LRBA: variants seen among roughly 807,000 people sequenced by gnomAD.
LRBA encodes the protein LPS responsive beige-like anchor protein, also known as lipopolysaccharide-responsive and beige-like anchor protein.
LRBA carries 176 observed loss-of-function variants against 330.0 expected under a neutral mutation model. The observed-to-expected ratio is 0.53, with a 90% CI of 0.47 to 0.60. LRBA has a LOEUF of 0.60. Among genes scored for constraint, LRBA ranks in the 20% least tolerant of loss-of-function variants. LRBA has a pLI of 0.00. For synonymous variants in LRBA, 1,230 were observed against 1,193.0 expected, an observed-to-expected ratio of 1.03 and a Z score of -0.64; for missense variants, 3,259 against 3,444.8, an observed-to-expected ratio of 0.95 and a Z score of 1.35.
intron 40 of LRBA, chr4:150,579,770 G>A (rs1206905643): frequency 4.4e-6 from 2 of 454,404 alleles, no homozygotes; most frequent in Non-Finnish European, 4.4e-6. Context: ...GCGCGGCGGC[G>A]GAGCCATGCG....
intron 40 of LRBA, among the ~76,000 whole-genome samples, chr4:150,505,672 T>C (rs1760967701): frequency 6.6e-6 from 1 of 151,922 alleles, no homozygotes; most frequent in South Asian, 2.1e-4. Context: ...TTAAAAGAAC[T>C]AGAAAAGCAA....
At chr4:150,942,877 T>C (rs1045859505) in intron 2 of LRBA, among the ~76,000 whole-genome samples, 1 of 152,188 alleles carries the variant, frequency 6.6e-6, no homozygotes, top group Non-Finnish European at 1.5e-5. Flanking sequence ...TTAGATTTTT[T>C]TTTCTTTAAA....
chr4:150,902,429 G>A (rs1438671851), intron 13 of LRBA, among the ~76,000 whole-genome samples: 1 of 152,004 alleles, frequency 6.6e-6, no homozygotes, highest in Admixed American at 6.6e-5. Flanking sequence ...AGGGTCTGGA[G>A]GCAGCGAACC....
chr4:150,798,005 C>T (rs1331556012), intron 34 of LRBA, 76 bp downstream of exon 34: 6 of 963,748 alleles, frequency 6.2e-6, no homozygotes, highest in Non-Finnish European at 8.1e-6. Flanking sequence ...TTCAGTAATG[C>T]AAATATAAAA....
chr4:150,740,180 T>G (rs781639104), intron 35 of LRBA, among the ~76,000 whole-genome samples: 2 of 152,112 alleles, frequency 1.3e-5, no homozygotes, highest in Non-Finnish European at 2.9e-5. Context: ...TGCCAAAATC[T>G]GTGGATTTAG....
At chr4:150,662,362 T>C (rs1288020002) in intron 37 of LRBA, among the ~76,000 whole-genome samples, 1 of 152,208 alleles carries the variant, frequency 6.6e-6, no homozygotes, top group East Asian at 1.9e-4. Context: ...AACTGCAAGA[T>C]GTCACCTCTA....
At chr4:150,824,755 TC>T (rs1423183291) in intron 30 of LRBA, among the ~76,000 whole-genome samples, 1 of 152,100 alleles carries the variant, frequency 6.6e-6, no homozygotes, top group Non-Finnish European at 1.5e-5. Flanking sequence ...CCAGAATAAA[TC>T]CCACTCATTA....
intron 47 of LRBA, among the ~76,000 whole-genome samples, chr4:150,381,716 C>T (rs1448301319): frequency 6.6e-6 from 1 of 152,120 alleles, no homozygotes; most frequent in South Asian, 2.1e-4. Flanking sequence ...ATACATATAA[C>T]CAAGAGTGGA....
At chr4:150,730,678 GA>G (rs112842947) in intron 36 of LRBA, among the ~76,000 whole-genome samples, 13,695 of 89,710 alleles carry the variant, frequency 0.15, 875 homozygotes, top group African/African-American at 0.28. Context: ...GTGAGGCTCT[GA>G]AAAAAAAAAA....
At chr4:150,617,806 C>T (rs1336478336) in intron 37 of LRBA, among the ~76,000 whole-genome samples, 1 of 151,658 alleles carries the variant, frequency 6.6e-6, no homozygotes, top group Non-Finnish European at 1.5e-5. Flanking sequence ...CACAAAGACA[C>T]ATTAAAATGC....
intron 36 of LRBA, among the ~76,000 whole-genome samples, chr4:150,733,636 A>C (rs1730799994): frequency 6.6e-6 from 1 of 151,694 alleles, no homozygotes; most frequent in South Asian, 2.1e-4. Context: ...GCATGGAATT[A>C]GTTTATATTT....
chr4:150,814,476 G>A (rs1744252601), intron 31 of LRBA, among the ~76,000 whole-genome samples: 1 of 151,828 alleles, frequency 6.6e-6, no homozygotes. Flanking sequence ...GAATAAAATA[G>A]AAGCAATACA....
intron 35 of LRBA, among the ~76,000 whole-genome samples, chr4:150,736,463 A>C (rs1209682777): frequency 1.3e-5 from 2 of 152,094 alleles, no homozygotes; most frequent in Non-Finnish European, 2.9e-5. Context: ...AAAATAAATA[A>C]ATATAAAAAT....
chr4:150,582,601 T>TA (rs1281427584), intron 40 of LRBA: 1 of 165,792 alleles, frequency 6.0e-6, no homozygotes, highest in African/African-American at 2.4e-5. Flanking sequence ...CTTTGGCACT[T>TA]AAAAAACCTC....
Position 150,893,154 on chromosome 4 carries a change from A to T in LRBA, c.2068-5T>A. On this transcript the variant is annotated splice_polypyrimidine_tract_variant and splice_region_variant and intron_variant, in intron 16 of 56. Transcript: ENST00000651943. ...GACATCCATTAGATTGTCATCCTAT[A>T]ATCATTTTAGAAATTTTTTTTAAAA... The T allele has an allele frequency of 6.4e-7, 1 of 1,564,982 alleles. No individual in the cohort carries two copies. Among genetic ancestry groups the T allele is most frequent in the African/African-American group, 1.4e-5 (1 of 73,214 alleles).
chr4:150,639,809 GTGTGTGTGTGTATATATATATA>G (rs1778420732), intron 37 of LRBA, among the ~76,000 whole-genome samples: 2 of 6,120 alleles, frequency 3.3e-4, no homozygotes, highest in African/African-American at 4.4e-4. Flanking sequence ...ATATATATGT[GTGTGTGTGTGTATATATATATA>G]TATATATATA....
intron 36 of LRBA, among the ~76,000 whole-genome samples, chr4:150,691,581 T>C (rs565107236): frequency 6.6e-5 from 10 of 152,344 alleles, no homozygotes; most frequent in African/African-American, 2.4e-4. Context: ...ACTGGAACTC[T>C]CATACCTACC....
At chr4:150,670,297 T>C (rs1197525976) in intron 37 of LRBA, among the ~76,000 whole-genome samples, 2 of 152,198 alleles carry the variant, frequency 1.3e-5, no homozygotes, top group African/African-American at 4.8e-5. Flanking sequence ...TTACCTCCCA[T>C]TTATAAATTA....
At chr4:150,870,844 C>G (rs1032772235) in intron 19 of LRBA, among the ~76,000 whole-genome samples, 36 of 152,100 alleles carry the variant, frequency 2.4e-4, no homozygotes, top group African/African-American at 8.4e-4. Flanking sequence ...ATGGAGGGAA[C>G]ATTTAAACAG....
Sources: allele counts gnomAD v4.1 joint callset (sites outside exome capture counted in the v4.1 genomes callset), GRCh38; gene constraint gnomAD v4.1.1; transcripts MANE v1.5; gene names NCBI Gene and HGNC (gene_info 2026-07-23, HGNC 2026-07-21).